The following RIC1 variants were observed in gnomAD, a reference collection of about 807,000 sequenced individuals.
RIC1 encodes the protein RIC1 partner of RAB6A GEF complex.
Under a neutral mutation model 169.0 loss-of-function variants are expected in RIC1, and 88 were observed. The ratio of observed to expected loss-of-function variants is 0.52; its 90% CI spans 0.44 to 0.62. RIC1 has a LOEUF of 0.62. Ranked by LOEUF, RIC1 falls within the 20% of genes least tolerant of loss-of-function variation. The probability of loss-of-function intolerance (pLI) is 0.00; values close to 1 mark genes in which losing one functional copy is unlikely to be tolerated. For synonymous variants in RIC1, 790 were observed against 601.5 expected, an observed-to-expected ratio of 1.31 and a Z score of -4.59; for missense variants, 1,877 against 1,725.5, an observed-to-expected ratio of 1.09 and a Z score of -1.56.
chr9:5,767,679 C>G (rs986054061), intron 21 of RIC1, among the ~76,000 whole-genome samples: 1 of 152,132 alleles, frequency 6.6e-6, no homozygotes, highest in East Asian at 1.9e-4. Flanking sequence ...TCTCCGCCTC[C>G]CAGGTTCAAG....
intron 2 of RIC1, among the ~76,000 whole-genome samples, chr9:5,659,265 C>G (rs980246333): frequency 6.6e-6 from 1 of 152,046 alleles, no homozygotes; most frequent in Non-Finnish European, 1.5e-5. Flanking sequence ...ATATGTCTGT[C>G]CTTATTCCAG....
At chr9:5,717,888 C>A (rs1485886442) in intron 4 of RIC1, among the ~76,000 whole-genome samples, 2 of 150,664 alleles carry the variant, frequency 1.3e-5, no homozygotes, top group Non-Finnish European at 3.0e-5. Flanking sequence ...CGCCTGTAAT[C>A]CCAGCACTTT....
chr9:5,741,419 C>A (rs146407684), intron 8 of RIC1, among the ~76,000 whole-genome samples: 1 of 152,150 alleles, frequency 6.6e-6, no homozygotes, highest in South Asian at 2.1e-4. Context: ...ATTCCTCTCC[C>A]CTAATCTATT....
At chr9:5,747,945 C>G (rs1825483334) in intron 12 of RIC1, among the ~76,000 whole-genome samples, 1 of 152,092 alleles carries the variant, frequency 6.6e-6, no homozygotes, top group Non-Finnish European at 1.5e-5. Context: ...GACTTTGGAC[C>G]CAAATTGCAG....
intron 1 of RIC1, among the ~76,000 whole-genome samples, chr9:5,649,380 G>T (rs555391490): frequency 6.6e-6 from 1 of 152,092 alleles, no homozygotes; most frequent in East Asian, 1.9e-4. Flanking sequence ...TGTAGGCTTT[G>T]TTCATTCTTA....
chr9:5,763,948 A>G lies in RIC1; in HGVS notation c.2841+80A>G. 2.8e-6 allele frequency: 4 copies of G among 1,442,618 alleles called. No individual in the cohort carries two copies. Among genetic ancestry groups the G allele is most frequent in the Non-Finnish European group, 2.8e-6 (3 of 1,070,204 alleles). The allele number at this position is 1,442,618 out of a possible 1,614,324, so 89.4% of individuals were successfully genotyped here. A position where few individuals can be genotyped will look rare whatever the true frequency, so the allele number is the denominator to read the frequency against. On this transcript the variant is annotated intron_variant, in intron 19 of 25. Transcript: ENST00000414202. The surrounding 1 kb of genome is among the most constrained non-coding windows in gnomAD (Gnocchi z 5.2). Reference sequence around the variant, plus strand: ...AATAGAAATGTCCTGTTTTGACACCATGATTGTGTTTAAGGAATTCATAGT... The same window carrying G: ...AATAGAAATGTCCTGTTTTGACACCGTGATTGTGTTTAAGGAATTCATAGT...
intron 2 of RIC1, among the ~76,000 whole-genome samples, chr9:5,665,578 A>G (rs1366357060): frequency 2.0e-5 from 3 of 152,130 alleles, no homozygotes; most frequent in Non-Finnish European, 4.4e-5. Flanking sequence ...TTGTGGGCTT[A>G]TCTGCCTTTG....
intron 11 of RIC1, among the ~76,000 whole-genome samples, chr9:5,746,665 TGC>T (rs1825395932): frequency 1.3e-5 from 2 of 152,186 alleles, no homozygotes; most frequent in Admixed American, 1.3e-4. Context: ...CCCCAAACAC[TGC>T]CTCTTGTATT....
intron 1 of RIC1, among the ~76,000 whole-genome samples, chr9:5,644,410 A>G (rs1417320018): frequency 2.0e-5 from 3 of 152,346 alleles, no homozygotes; most frequent in Middle Eastern, 3.4e-3. Context: ...TGTGTAAACT[A>G]AGGGATACAA....
At chr9:5,736,908 C>G (rs897376405) in intron 7 of RIC1, among the ~76,000 whole-genome samples, 16 of 151,878 alleles carry the variant, frequency 1.1e-4, no homozygotes, top group African/African-American at 3.9e-4. Flanking sequence ...CAGTTCTAAT[C>G]CTTGAGAAGA....
At chr9:5,755,264 C>T (rs1048416130) in intron 15 of RIC1, among the ~76,000 whole-genome samples, 10 of 152,148 alleles carry the variant, frequency 6.6e-5, no homozygotes, top group African/African-American at 2.4e-4. Flanking sequence ...TACTGATTTA[C>T]AGTAACCCCT....
chr9:5,663,792 A>G (rs892652668), intron 2 of RIC1, among the ~76,000 whole-genome samples: 2 of 152,100 alleles, frequency 1.3e-5, no homozygotes, highest in African/African-American at 4.8e-5. Flanking sequence ...TAATTGGAGC[A>G]TTTAGCCCAT....
rs375379161 is a variant in RIC1 at position 5,747,237 on chromosome 9, G to A, written c.1249-65G>A. 562 of 1,244,108 alleles carry A rather than the reference G, an allele frequency of 4.5e-4. 3 individuals are homozygous for A. The African/African-American group carries it at 6.8e-3, about 15-fold the overall frequency. The allele number at this position is 1,244,108 out of a possible 1,614,324, so 77.1% of individuals were successfully genotyped here. ...AAATCGATGTGTTATTTTTGCCTGC[G>A]TAATATTGAGTTGTTTTTATTTGTT... On this transcript the variant is annotated intron_variant, in intron 11 of 25. Coordinates refer to ENST00000414202, the MANE Select transcript of RIC1 (RefSeq NM_020829.4).
intron 11 of RIC1, among the ~76,000 whole-genome samples, 179 bp downstream of exon 11, chr9:5,746,262 T>C (rs1350207132): frequency 6.6e-6 from 1 of 152,114 alleles, no homozygotes; most frequent in African/African-American, 2.4e-5. Context: ...TCTCAACGGG[T>C]TGTGTTTCTT....
intron 2 of RIC1, among the ~76,000 whole-genome samples, chr9:5,684,992 C>G (rs1402074691): frequency 6.6e-6 from 1 of 151,492 alleles, no homozygotes; most frequent in East Asian, 1.9e-4. Flanking sequence ...AACCCCAACC[C>G]TGCATTCTTG....
chr9:5,765,709 C>T lies in RIC1; in HGVS notation c.3048C>T (p.Ile1016=), dbSNP rs144383338. The change falls in exon 21 of 26, where the codon ATC becomes ATT. Residue 1016 remains isoleucine (I), a synonymous_variant. Transcript: ENST00000414202. ...TTGAGTTCTTCAGGAATCGAAGCAT[C>T]AGTTTATCCCAGTCAGCTGAAAATG... is the stretch of plus-strand genomic sequence containing the variant. ...GGFEFFRNRS[I]SLSQSAENVP... is the part of the protein sequence containing the mutation. 3.1e-6 allele frequency: 5 copies of T among 1,614,026 alleles called. No individual in the cohort carries two copies. Among genetic ancestry groups the T allele is most frequent in the Middle Eastern group, 1.6e-4 (1 of 6,082 alleles).
At chr9:5,668,217 C>T (rs1229833118) in intron 2 of RIC1, among the ~76,000 whole-genome samples, 1 of 145,086 alleles carries the variant, frequency 6.9e-6, no homozygotes, top group Admixed American at 7.0e-5. Flanking sequence ...TCAATTACCT[C>T]CCGCCAGGTC....
downstream of RIC1, among the ~76,000 whole-genome samples, chr9:5,778,122 T>C (rs1479136115): frequency 6.6e-6 from 1 of 152,206 alleles, no homozygotes; most frequent in Non-Finnish European, 1.5e-5. Context: ...TTTTAATGTC[T>C]TTTAACAGTG....
At chr9:5,778,021 G>A (rs913371886), downstream of RIC1, among the ~76,000 whole-genome samples, 14 of 152,116 alleles carry the variant, frequency 9.2e-5, no homozygotes, top group South Asian at 4.1e-4. Context: ...TTTCATAAGC[G>A]TTGTATTCAT....
Sources: gnomAD v4.1 joint callset for allele counts (sites outside exome capture counted in the v4.1 genomes callset) on GRCh38, gnomAD v4.1.1 for gene constraint, Gnocchi (gnomAD v3.1) non-coding constraint, MANE v1.5 for transcripts, NCBI Gene and HGNC (gene_info 2026-07-23, HGNC 2026-07-21) for gene names.